Variants in GALNT10 observed in about 807,000 individuals in gnomAD.
The protein encoded by GALNT10 is GalNAc transferase 10.
In GALNT10, 41 loss-of-function variants were observed where a neutral mutation model predicts 75.0. The ratio of observed to expected loss-of-function variants is 0.55; its 90% CI spans 0.43 to 0.71. The LOEUF (loss-of-function observed/expected upper bound fraction) is 0.71, where lower values mean the gene tolerates loss of function less well. GALNT10 is among the 30% of genes least tolerant of loss of function. The pLI is 0.00. For synonymous variants in GALNT10, 302 were observed against 313.0 expected (o/e 0.96, Z 0.37); for missense variants, 727 against 818.5 (o/e 0.89, Z 1.36).
At chr5:154,378,677 G>A (rs1008599542) in intron 5 of GALNT10, among the ~76,000 whole-genome samples, 5 of 152,186 alleles carry the variant, frequency 3.3e-5, no homozygotes, top group African/African-American at 9.7e-5. Context: ...GAGGCTCAGA[G>A]ACATCAGATA....
At chr5:154,373,552 T>C (rs529163326) in intron 4 of GALNT10, among the ~76,000 whole-genome samples, 2 of 152,276 alleles carry the variant, frequency 1.3e-5, no homozygotes, top group East Asian at 3.9e-4. Flanking sequence ...GGTGTGGGTG[T>C]CAGAGATAAT....
At chr5:154,257,744 A>G (rs978828277) in intron 1 of GALNT10, among the ~76,000 whole-genome samples, 3 of 152,118 alleles carry the variant, frequency 2.0e-5, no homozygotes, top group Admixed American at 1.3e-4. Context: ...TGTACAATAT[A>G]GATTTCCTAG....
chr5:154,369,893 A>G (rs2113165220), intron 4 of GALNT10, among the ~76,000 whole-genome samples: 1 of 152,196 alleles, frequency 6.6e-6, no homozygotes, highest in East Asian at 1.9e-4. Context: ...GGGCTGCTCC[A>G]TGGGGTGCTC....
chr5:154,214,165 A>T (rs1269711710), intron 1 of GALNT10, among the ~76,000 whole-genome samples: 1 of 152,058 alleles, frequency 6.6e-6, no homozygotes, highest in Non-Finnish European at 1.5e-5. Flanking sequence ...CTTTGGTAAA[A>T]CATTTTTGAG....
Position 154,409,807 on chromosome 5 carries a change from CA to C in GALNT10, c.1386+49del, listed in dbSNP as rs760018610. 10 of 1,245,158 alleles carry C rather than the reference CA, an allele frequency of 8.0e-6. No individual in the cohort carries two copies. In the South Asian group the frequency reaches 1.1e-4, roughly 13 times the overall value. The allele number at this position is 1,245,158 out of a possible 1,614,324, so 77.1% of individuals were successfully genotyped here. On this transcript the variant is annotated intron_variant, in intron 9 of 11. Coordinates refer to ENST00000297107, the MANE Select transcript of GALNT10 (RefSeq NM_198321.4). The surrounding 1 kb of genome is among the most constrained non-coding windows in gnomAD (Gnocchi z 4.5). ...CTGGCTCCATAATTTAATGGGTGTG[CA>C]AAATGCAAATGCAGATCCCATGTTC...
chr5:154,416,056 C>A lies in GALNT10; in HGVS notation c.1653+124C>A. 2.3e-6 allele frequency: 2 copies of A among 867,420 alleles called. No homozygotes were observed. Among genetic ancestry groups the A allele is most frequent in the Non-Finnish European group, 3.5e-6 (2 of 564,864 alleles). The allele number at this position is 867,420 out of a possible 1,614,324, so 53.7% of individuals were successfully genotyped here. A position where few individuals can be genotyped will look rare whatever the true frequency, so the allele number is the denominator to read the frequency against. Reference sequence around the variant, plus strand: ...CATTTGTGCCACAAACCTACCATGCCGGATTTTGTAGTCATTCAAGAGTAG... The same window carrying A: ...CATTTGTGCCACAAACCTACCATGCAGGATTTTGTAGTCATTCAAGAGTAG... On this transcript the variant is annotated intron_variant, in intron 11 of 11. Transcript: ENST00000297107. The surrounding 1 kb of genome is among the most constrained non-coding windows in gnomAD (Gnocchi z 4.5).
At chr5:154,291,360 C>T (rs1004225057) in intron 1 of GALNT10, among the ~76,000 whole-genome samples, 4 of 152,062 alleles carry the variant, frequency 2.6e-5, no homozygotes, top group Non-Finnish European at 5.9e-5. Flanking sequence ...TTTTTTGGCC[C>T]AGCAGCGTCA....
At chr5:154,204,804 CA>C (rs1775082243) in intron 1 of GALNT10, among the ~76,000 whole-genome samples, 1 of 152,222 alleles carries the variant, frequency 6.6e-6, no homozygotes, top group Non-Finnish European at 1.5e-5. Flanking sequence ...GAAATGTCCA[CA>C]TAGCAACTTA....
chr5:154,396,649 A>G (rs2351479), intron 7 of GALNT10, among the ~76,000 whole-genome samples: 67,866 of 152,070 alleles, frequency 0.45, 17,647 homozygotes, highest in African/African-American at 0.71. Flanking sequence ...GGGTGTGATC[A>G]TGCCTCCCTC....
rs118101129 is a variant in GALNT10 at position 154,230,388 on chromosome 5, G to A, written c.159+39363G>A. Among the ~76,000 whole-genome samples the A allele has an allele frequency of 3.5e-4, 53 of 152,234 alleles. 1 individual carries two copies. The East Asian group carries it at 8.1e-3, about 23-fold the overall frequency. ...TAGTTACGGAGTGTGGAGATTGTGG[G>A]CAGCAACCACTGGGCCTGCCTGTAG... On this transcript the variant is annotated intron_variant, in intron 1 of 11. Transcript: ENST00000297107.
intron 1 of GALNT10, among the ~76,000 whole-genome samples, chr5:154,191,658 G>A (rs1561623992): frequency 6.6e-6 from 1 of 152,228 alleles, no homozygotes; most frequent in Non-Finnish European, 1.5e-5. Context: ...GCCCCTGGGG[G>A]TGGAGAAGGG....
chr5:154,259,719 A>C (rs1753672340), intron 1 of GALNT10, among the ~76,000 whole-genome samples: 2 of 152,146 alleles, frequency 1.3e-5, no homozygotes, highest in Non-Finnish European at 2.9e-5. Context: ...TCATGGCTCT[A>C]GGTGTTGGTT....
intron 1 of GALNT10, among the ~76,000 whole-genome samples, chr5:154,253,040 G>T (rs1489756743): frequency 7.4e-6 from 1 of 134,260 alleles, no homozygotes; most frequent in African/African-American, 2.8e-5. Flanking sequence ...CTTCATTTGT[G>T]AAATGGTTTT....
intron 4 of GALNT10, among the ~76,000 whole-genome samples, chr5:154,330,862 T>C (rs1332710163): frequency 6.6e-6 from 1 of 151,754 alleles, no homozygotes; most frequent in Non-Finnish European, 1.5e-5. Flanking sequence ...AATACCGCAC[T>C]CTTAATTACA....
intron 7 of GALNT10, among the ~76,000 whole-genome samples, chr5:154,397,126 CA>C (rs58303911): frequency 1.4e-3 from 179 of 126,126 alleles, no homozygotes; most frequent in East Asian, 5.5e-3. Flanking sequence ...GACTCCGTCT[CA>C]AAAAAAAAAA....
intron 1 of GALNT10, among the ~76,000 whole-genome samples, chr5:154,220,756 TAGA>T (rs34135331): frequency 0.21 from 31,365 of 152,082 alleles, 3,980 homozygotes; most frequent in Non-Finnish European, 0.29. Context: ...TGGTCTGGAC[TAGA>T]AGAAGTCCAG....
intron 1 of GALNT10, among the ~76,000 whole-genome samples, chr5:154,269,412 T>A (rs187298872): frequency 1.3e-5 from 2 of 152,358 alleles, no homozygotes; most frequent in East Asian, 3.9e-4. Context: ...ATCCATTTGG[T>A]ATTCTGAAAG....
At chr5:154,347,554 G>A (rs1241619958) in intron 4 of GALNT10, among the ~76,000 whole-genome samples, 1 of 151,870 alleles carries the variant, frequency 6.6e-6, no homozygotes, top group Non-Finnish European at 1.5e-5. Flanking sequence ...TAGAGACAAG[G>A]TCTCGCTGTG....
At chr5:154,212,277 C>T (rs1243976568) in intron 1 of GALNT10, among the ~76,000 whole-genome samples, 1 of 152,152 alleles carries the variant, frequency 6.6e-6, no homozygotes, top group Admixed American at 6.5e-5. Context: ...AGCAGCTTTC[C>T]CCTTGGTTCT....
Sources: allele counts gnomAD v4.1 joint callset (sites outside exome capture counted in the v4.1 genomes callset), GRCh38; gene constraint gnomAD v4.1.1; non-coding constraint Gnocchi (gnomAD v3.1); transcripts MANE v1.5; gene names NCBI Gene and HGNC (gene_info 2026-07-23, HGNC 2026-07-21).